SOX5: variants seen among roughly 807,000 people sequenced by gnomAD.
The protein encoded by SOX5 is SRY-box transcription factor 5.
Under a neutral mutation model 92.0 loss-of-function variants are expected in SOX5, and 9 were observed. The observed-to-expected ratio is 0.10, with a 90% CI of 0.06 to 0.17. SOX5 has a LOEUF of 0.17. Among genes scored for constraint, SOX5 ranks in the 10% least tolerant of loss-of-function variants. The pLI is 1.00. For missense variants in SOX5, 642 were observed against 944.5 expected, an observed-to-expected ratio of 0.68 and a Z score of 4.20; for synonymous variants, 344 against 336.3, an observed-to-expected ratio of 1.02 and a Z score of -0.25.
chr12:23,582,315 A>G, intron 9 of SOX5: 1 of 983,062 alleles, frequency 1.0e-6, no homozygotes, highest in Non-Finnish European at 1.2e-6. Flanking sequence ...AACAAGTATC[A>G]TGAGGATCTA....
chr12:23,916,541 G>T (rs938660837), intron 1 of SOX5, among the ~76,000 whole-genome samples: 1 of 152,050 alleles, frequency 6.6e-6, no homozygotes, highest in Non-Finnish European at 1.5e-5. Flanking sequence ...CACTGCTGTG[G>T]GTGTACTGTC....
At chr12:24,176,043 C>T (rs1044560278) in intron 4 of SOX5, among the ~76,000 whole-genome samples, 4 of 151,842 alleles carry the variant, frequency 2.6e-5, no homozygotes, top group Non-Finnish European at 4.4e-5. Flanking sequence ...AAAATCTAAA[C>T]GATAAGGCTG....
chr12:24,026,025 C>T (rs536327044), intron 4 of SOX5, among the ~76,000 whole-genome samples: 69 of 152,208 alleles, frequency 4.5e-4, no homozygotes, highest in Non-Finnish European at 2.9e-5. Flanking sequence ...CCTAATATGG[C>T]TCAGCATCTA....
chr12:23,748,418 G>A (rs1015832896), intron 4 of SOX5, among the ~76,000 whole-genome samples: 3 of 151,806 alleles, frequency 2.0e-5, no homozygotes, highest in Non-Finnish European at 4.4e-5. Flanking sequence ...CAAAAACATC[G>A]AAATAATAAG....
intron 2 of SOX5, among the ~76,000 whole-genome samples, chr12:24,298,801 C>T (rs867509257): frequency 4.7e-5 from 3 of 63,526 alleles, no homozygotes; most frequent in Admixed American, 1.6e-4. Flanking sequence ...AAAAAAAAAA[C>T]TACATTTTTT....
chr12:23,706,193 C>T (rs2091369018), intron 6 of SOX5, among the ~76,000 whole-genome samples: 1 of 151,784 alleles, frequency 6.6e-6, no homozygotes, highest in South Asian at 2.1e-4. Context: ...GGGGAGAAAA[C>T]AATATGAGTC....
chr12:24,160,287 G>C (rs184993804), intron 4 of SOX5, among the ~76,000 whole-genome samples: 23 of 152,020 alleles, frequency 1.5e-4, no homozygotes, highest in Non-Finnish European at 2.1e-4. Flanking sequence ...TCTATAGTAG[G>C]AAAAATATAT....
intron 4 of SOX5, among the ~76,000 whole-genome samples, chr12:24,131,380 A>G (rs1163486543): frequency 6.6e-6 from 1 of 152,176 alleles, no homozygotes; most frequent in Non-Finnish European, 1.5e-5. Flanking sequence ...ATTTGACATT[A>G]GACTGGGAGT....
At chr12:23,614,153 C>G (rs1417015353) in intron 8 of SOX5, among the ~76,000 whole-genome samples, 1 of 152,110 alleles carries the variant, frequency 6.6e-6, no homozygotes, top group African/African-American at 2.4e-5. Flanking sequence ...GGCTGCAGTC[C>G]TGCTACATAT....
chr12:24,506,784 C>CTTTTTTTTTGTTTTT (rs1948800014), intron 1 of SOX5, among the ~76,000 whole-genome samples: 1 of 81,760 alleles, frequency 1.2e-5, no homozygotes, highest in African/African-American at 4.8e-5. Context: ...TCCAAATGGT[C>CTTTTTTTTTGTTTTT]TTTTTTTTTT....
At chr12:24,321,242 T>A (rs1483481987) in intron 2 of SOX5, among the ~76,000 whole-genome samples, 2 of 152,250 alleles carry the variant, frequency 1.3e-5, no homozygotes, top group Non-Finnish European at 2.9e-5. Flanking sequence ...GTAGCCAATG[T>A]TTGTGAACTG....
intron 3 of SOX5, among the ~76,000 whole-genome samples, chr12:23,762,269 G>A (rs2141350602): frequency 6.6e-6 from 1 of 152,134 alleles, no homozygotes. Flanking sequence ...GCACAGTGGT[G>A]GGCCTATAGT....
At chr12:23,720,055 C>T (rs181471396) in intron 6 of SOX5, among the ~76,000 whole-genome samples, 15 of 152,258 alleles carry the variant, frequency 9.9e-5, no homozygotes, top group Non-Finnish European at 2.1e-4. Context: ...CATTTAAGAG[C>T]AGTAGCCTTT....
chr12:23,830,092 A>G (rs1400495953), intron 3 of SOX5, among the ~76,000 whole-genome samples: 1 of 152,184 alleles, frequency 6.6e-6, no homozygotes, highest in Non-Finnish European at 1.5e-5. Flanking sequence ...TATGATGGAT[A>G]CCACTTGAAA....
At chr12:23,797,557 C>A (rs1700451187) in intron 3 of SOX5, among the ~76,000 whole-genome samples, 1 of 151,988 alleles carries the variant, frequency 6.6e-6, no homozygotes, top group Non-Finnish European at 1.5e-5. Flanking sequence ...AGAGTAGGTC[C>A]TAATGGATCC....
At chr12:24,010,187 A>G (rs547715005) in intron 4 of SOX5, among the ~76,000 whole-genome samples, 1 of 152,308 alleles carries the variant, frequency 6.6e-6, no homozygotes, top group South Asian at 2.1e-4. Flanking sequence ...AGATTTGTCA[A>G]CGTTTTCAGA....
At chr12:24,167,721 G>T (rs1272146663) in intron 4 of SOX5, among the ~76,000 whole-genome samples, 4 of 152,072 alleles carry the variant, frequency 2.6e-5, no homozygotes, top group African/African-American at 9.7e-5. Context: ...ATTTTGTTTC[G>T]ATCTAGTCCA....
At chr12:23,791,354 T>C (rs1296688095) in intron 3 of SOX5, among the ~76,000 whole-genome samples, 1 of 152,208 alleles carries the variant, frequency 6.6e-6, no homozygotes, top group Non-Finnish European at 1.5e-5. Flanking sequence ...GCAGTGGCTA[T>C]TTGCAGGTGC....
At chr12:23,747,010 C>T (rs1432002807) in intron 4 of SOX5, among the ~76,000 whole-genome samples, 2 of 152,112 alleles carry the variant, frequency 1.3e-5, no homozygotes, top group African/African-American at 4.8e-5. Context: ...GACTGTGAGG[C>T]CTCCACAGCC....
Sources: gnomAD v4.1 joint callset for allele counts (sites outside exome capture counted in the v4.1 genomes callset) on GRCh38, gnomAD v4.1.1 for gene constraint, MANE v1.5 for transcripts, NCBI Gene and HGNC (gene_info 2026-07-23, HGNC 2026-07-21) for gene names.